Variants in ASTN1 observed in about 807,000 individuals in gnomAD.
ASTN1 encodes the protein astrotactin-1.
A neutral mutation model predicts 140.7 loss-of-function variants in ASTN1; 41 were observed. The ratio of observed to expected loss-of-function variants is 0.29; its 90% CI spans 0.23 to 0.38. The LOEUF is 0.38. Among genes scored for constraint, ASTN1 ranks in the 10% least tolerant of loss-of-function variants. ASTN1 has a pLI of 1.00. For missense variants in ASTN1, 1,479 were observed against 1,678.8 expected, an observed-to-expected ratio of 0.88 and a Z score of 2.08; for synonymous variants, 640 against 652.2, an observed-to-expected ratio of 0.98 and a Z score of 0.29.
chr1:176,869,508 A>G (rs1668255087), intron 21 of ASTN1, among the ~76,000 whole-genome samples: 1 of 152,224 alleles, frequency 6.6e-6, no homozygotes, highest in South Asian at 2.1e-4. Context: ...CCAGAGAAGC[A>G]GGAGCGAAGA....
chr1:177,093,345 C>T (rs777635511), intron 1 of ASTN1, among the ~76,000 whole-genome samples: 2 of 152,130 alleles, frequency 1.3e-5, no homozygotes, highest in African/African-American at 4.8e-5. Context: ...GGACACTGTA[C>T]GTGATATCCA....
chr1:176,991,108 C>G (rs1674135971), intron 8 of ASTN1, among the ~76,000 whole-genome samples: 2 of 152,082 alleles, frequency 1.3e-5, no homozygotes, highest in Non-Finnish European at 2.9e-5. Flanking sequence ...AACACTTAAC[C>G]ATAAAAATTA....
chr1:176,925,972 A>C (rs1038730535), intron 16 of ASTN1, among the ~76,000 whole-genome samples: 2 of 151,618 alleles, frequency 1.3e-5, no homozygotes, highest in African/African-American at 2.4e-5. Flanking sequence ...CGCCCAGCTA[A>C]TTTTTTTGTA....
At chr1:176,940,676 G>A (rs762114144) in intron 14 of ASTN1, among the ~76,000 whole-genome samples, 14 of 152,186 alleles carry the variant, frequency 9.2e-5, no homozygotes, top group Non-Finnish European at 1.8e-4. Flanking sequence ...TATTTGCTTG[G>A]TCTTTGTTTA....
At chr1:177,156,559 G>A (rs922397110) in intron 1 of ASTN1, among the ~76,000 whole-genome samples, 1 of 152,060 alleles carries the variant, frequency 6.6e-6, no homozygotes, top group Non-Finnish European at 1.5e-5. Flanking sequence ...ATATTCATGA[G>A]TCCATAGGAC....
intron 1 of ASTN1, among the ~76,000 whole-genome samples, chr1:177,075,347 C>T (rs1678836012): frequency 6.6e-6 from 1 of 151,354 alleles, no homozygotes; most frequent in Non-Finnish European, 1.5e-5. Flanking sequence ...GCTGGGATTA[C>T]AGGCATGAGC....
intron 1 of ASTN1, among the ~76,000 whole-genome samples, chr1:177,149,213 T>C (rs1293914013): frequency 1.9e-5 from 2 of 105,906 alleles, no homozygotes; most frequent in East Asian, 2.6e-4. Flanking sequence ...ATAGTGTATA[T>C]ATAGTAAATA....
At chr1:176,984,831 C>T (rs1673810095) in intron 8 of ASTN1, among the ~76,000 whole-genome samples, 1 of 152,160 alleles carries the variant, frequency 6.6e-6, no homozygotes, top group South Asian at 2.1e-4. Context: ...TCCCCTGGTG[C>T]TTTACTCATT....
chr1:177,001,987 CA>C (rs1674750654), intron 8 of ASTN1, among the ~76,000 whole-genome samples: 1 of 152,174 alleles, frequency 6.6e-6, no homozygotes, highest in Non-Finnish European at 1.5e-5. Flanking sequence ...GTGGTCTGGA[CA>C]GCCCCATGAG....
At chr1:177,136,231 G>A (rs1363659381) in intron 1 of ASTN1, among the ~76,000 whole-genome samples, 1 of 152,172 alleles carries the variant, frequency 6.6e-6, no homozygotes, top group Non-Finnish European at 1.5e-5. Context: ...ATCCCAGCTG[G>A]ATTGCCTTAG....
chr1:176,878,492 C>T (rs1053236658), intron 20 of ASTN1, among the ~76,000 whole-genome samples: 2 of 152,026 alleles, frequency 1.3e-5, no homozygotes, highest in African/African-American at 2.4e-5. Context: ...GGACCCCTAG[C>T]AGTGGCAGTC....
intron 8 of ASTN1, among the ~76,000 whole-genome samples, chr1:176,989,850 C>T (rs550044042): frequency 6.6e-6 from 1 of 152,090 alleles, no homozygotes; most frequent in South Asian, 2.1e-4. Flanking sequence ...CAATTTCCCA[C>T]CTCCCAACTG....
At chr1:176,941,958 T>C (rs1015657990) in intron 14 of ASTN1, among the ~76,000 whole-genome samples, 1 of 152,188 alleles carries the variant, frequency 6.6e-6, no homozygotes, top group Non-Finnish European at 1.5e-5. Context: ...AGCTGCAAGT[T>C]AATTTCTTCA....
At chr1:177,087,140 G>C (rs935978459) in intron 1 of ASTN1, among the ~76,000 whole-genome samples, 5 of 152,136 alleles carry the variant, frequency 3.3e-5, no homozygotes, top group Admixed American at 2.6e-4. Context: ...CCTCCTGGCA[G>C]CTGAAGCATG....
chr1:176,947,361 T>G (rs1672003023), intron 12 of ASTN1, among the ~76,000 whole-genome samples: 1 of 152,244 alleles, frequency 6.6e-6, no homozygotes, highest in African/African-American at 2.4e-5. Context: ...TAACTGCTTT[T>G]TCCATTTACC....
chr1:176,893,364 T>C (rs2103037315), intron 17 of ASTN1, among the ~76,000 whole-genome samples: 1 of 152,282 alleles, frequency 6.6e-6, no homozygotes, highest in Non-Finnish European at 1.5e-5. Flanking sequence ...GCCCTCTGCC[T>C]TTCCTTTATC....
Position 176,862,556 on chromosome 1 carries a change from A to G in ASTN1, c.*1728T>C. ...GACAGTTGTGTGCCAGATGATACTGAAAACAGAACTGGGTATCCCAGAGTA... is the reference window on the plus strand; with the variant it reads ...GACAGTTGTGTGCCAGATGATACTGGAAACAGAACTGGGTATCCCAGAGTA... On this transcript the variant is annotated 3_prime_UTR_variant, in exon 23 of 23. Transcript: ENST00000361833. The G allele has an allele frequency of 1.0e-6, 1 of 985,444 alleles. No homozygotes were observed. The highest frequency in any genetic ancestry group is 1.7e-5 in the African/African-American group (1 of 57,358). The allele number at this position is 985,444 out of a possible 1,614,324, so 61.0% of individuals were successfully genotyped here. A position where few individuals can be genotyped will look rare whatever the true frequency, so the allele number is the denominator to read the frequency against.
chr1:176,895,518 G>A (rs1330699021), intron 16 of ASTN1, among the ~76,000 whole-genome samples: 2 of 152,204 alleles, frequency 1.3e-5, no homozygotes, highest in African/African-American at 4.8e-5. Context: ...GGTCAGAGAG[G>A]AAGAAGAATA....
rs139258861 is a variant in ASTN1, at chr1:176,998,811, G to A, written c.1523+15980C>T. Among the ~76,000 whole-genome samples, 431 of 152,302 alleles carry A rather than the reference G, an allele frequency of 2.8e-3. 2 individuals carry two copies. Among genetic ancestry groups the A allele is most frequent in the African/African-American group, 9.7e-3 (404 of 41,556 alleles). ...ATAGAGTGTACTGCCTTCTGTGCCA[G>A]GCGGCACCGTGACGGTTTTAGTGCA... is the stretch of plus-strand genomic sequence containing the variant. On this transcript the variant is annotated intron_variant, in intron 8 of 22. Transcript: ENST00000361833.
Sources: allele counts gnomAD v4.1 joint callset (sites outside exome capture counted in the v4.1 genomes callset), GRCh38; gene constraint gnomAD v4.1.1; transcripts MANE v1.5; gene names NCBI Gene and HGNC (gene_info 2026-07-23, HGNC 2026-07-21).